The following NUGGC variants were observed in gnomAD, a reference collection of about 807,000 sequenced individuals.
The protein encoded by NUGGC is nuclear GTPase, germinal center associated.
Under a neutral mutation model 92.6 loss-of-function variants are expected in NUGGC, and 58 were observed. The ratio of observed to expected loss-of-function variants is 0.63; its 90% confidence interval spans 0.51 to 0.78. The LOEUF (loss-of-function observed/expected upper bound fraction) is 0.78. Ranked by LOEUF, NUGGC falls within the 30% of genes least tolerant of loss-of-function variation. NUGGC has a pLI of 0.00. For synonymous variants in NUGGC, 376 were observed against 366.4 expected (o/e 1.03, Z -0.30); for missense variants, 925 against 964.6 (o/e 0.96, Z 0.54).
intron 13 of NUGGC, among the ~76,000 whole-genome samples, chr8:28,039,738 T>C (rs1430359478): frequency 6.6e-6 from 1 of 152,146 alleles, no homozygotes; most frequent in Non-Finnish European, 1.5e-5. Context: ...CCACAGACCA[T>C]CCATGCACTT....
In NUGGC at chr8:28,031,363, A is replaced by T; in HGVS notation, c.1788T>A (p.Gly596=). Residue 596 remains glycine, a synonymous_variant, in exon 15 of 19, where the codon GGT becomes GGA. Transcript: ENST00000413272. The stretch of plus-strand genomic sequence containing the variant: ...CATCTATGTGAGGCATCAGAGCTGA[A>T]CCAGTGGGCTTCCCCGTCCTACGGA... ...GSIFRTGKPT[G]SALMPHIDAF... is the part of the protein sequence containing the mutation. The T allele has an allele frequency of 3.7e-6, 6 of 1,614,000 alleles. No homozygotes were observed. The highest frequency in any genetic ancestry group is 5.1e-6 in the Non-Finnish European group (6 of 1,179,852).
chr8:28,042,465 G>A (rs1397357784), intron 12 of NUGGC, among the ~76,000 whole-genome samples: 3 of 152,168 alleles, frequency 2.0e-5, no homozygotes, highest in Non-Finnish European at 4.4e-5. Flanking sequence ...TCAATCTTGT[G>A]CCCTCTGGGC....
chr8:28,039,486 C>T (rs1275501230), intron 13 of NUGGC, among the ~76,000 whole-genome samples: 1 of 152,206 alleles, frequency 6.6e-6, no homozygotes, highest in Admixed American at 6.5e-5. Context: ...TCCACCTCAG[C>T]CTCCCAAAGT....
intron 14 of NUGGC, among the ~76,000 whole-genome samples, chr8:28,033,166 T>TA (rs995417195): frequency 2.2e-4 from 34 of 151,758 alleles, no homozygotes; most frequent in African/African-American, 2.4e-4. Flanking sequence ...TCTCATTTTT[T>TA]AAAAAAAAGG....
intron 6 of NUGGC, among the ~76,000 whole-genome samples, chr8:28,066,028 C>G (rs1810433380): frequency 6.6e-6 from 1 of 151,964 alleles, no homozygotes; most frequent in African/African-American, 2.4e-5. Flanking sequence ...CCAGTGGAAA[C>G]CCTGAATTTG....
In NUGGC at chr8:28,064,530, A is replaced by T. The variant is rs1346045555; in HGVS notation, c.913T>A (p.Trp305Arg). 2 of 1,613,818 alleles carry T rather than the reference A, an allele frequency of 1.2e-6. No homozygotes were observed. Among genetic ancestry groups the T allele is most frequent in the African/African-American group, 2.7e-5 (2 of 74,938 alleles). The change falls in exon 7 of 19, where the codon TGG (tryptophan) becomes AGG (arginine). Residue 305 changes from tryptophan to arginine, a missense_variant. Transcript: ENST00000413272. The part of the protein sequence containing the change: ...GDFNSKRDEM[W>R]KKTIDKCSVI... ...CTACGAAAGACAGTCACCTTTTTCC[A>T]CATCTCGTCCCTCTTGCTGTTGAAG... is the stretch of plus-strand genomic sequence containing the variant.
intron 5 of NUGGC, 87 bp downstream of exon 5, chr8:28,068,129 A>G (rs1376834428): frequency 1.3e-6 from 1 of 747,288 alleles, no homozygotes; most frequent in East Asian, 2.7e-5. Flanking sequence ...GAAGGAAGGA[A>G]GAAAGAAAGG....
At chr8:28,077,716 T>C (rs562433181) in intron 1 of NUGGC, among the ~76,000 whole-genome samples, 12 of 152,296 alleles carry the variant, frequency 7.9e-5, no homozygotes, top group African/African-American at 2.9e-4. Context: ...AAATGTATGA[T>C]ACAACCAGTG....
chr8:28,064,270 A>G (rs1483872100), intron 7 of NUGGC, among the ~76,000 whole-genome samples: 1 of 151,930 alleles, frequency 6.6e-6, no homozygotes, highest in Non-Finnish European at 1.5e-5. Flanking sequence ...AAGCCACTCT[A>G]TTGCTGGTCT....
chr8:28,079,279 C>T (rs1441085124), intron 1 of NUGGC, among the ~76,000 whole-genome samples: 2 of 152,124 alleles, frequency 1.3e-5, no homozygotes, highest in Non-Finnish European at 2.9e-5. Context: ...CGGTGGCTCT[C>T]GCCTGTAATC....
chr8:28,064,450 G>A, intron 7 of NUGGC, 72 bp downstream of exon 7: 2 of 1,242,320 alleles, frequency 1.6e-6, no homozygotes, highest in Admixed American at 1.9e-5. Flanking sequence ...TGAAACCAGA[G>A]CATTCTTTGT....
rs9987291 is a variant in NUGGC at position 28,074,412 on chromosome 8, C to T, written c.-2G>A. 1.6e-3 allele frequency: 2,615 copies of T among 1,613,684 alleles called. 28 individuals are homozygous for T. The African/African-American group carries it at 0.024, about 15-fold the overall frequency. ...AAAAACATCCTTCGTTTCTGCCATT[C>T]CTTGTTACGTGAACTCCTGCTCTTC... On this transcript the variant is annotated 5_prime_UTR_variant, in exon 2 of 19. Transcript: ENST00000413272.
chr8:28,073,499 G>A (rs569744572), intron 2 of NUGGC, among the ~76,000 whole-genome samples: 2 of 152,262 alleles, frequency 1.3e-5, no homozygotes, highest in South Asian at 2.1e-4. Flanking sequence ...CTCGGAGTGA[G>A]GAAACATTCC....
chr8:28,075,139 T>A (rs1810688591), intron 1 of NUGGC, among the ~76,000 whole-genome samples: 1 of 152,150 alleles, frequency 6.6e-6, no homozygotes, highest in Non-Finnish European at 1.5e-5. Context: ...TCAGCAGGAA[T>A]CTGGGAGGTG....
intron 10 of NUGGC, 21 bp downstream of exon 10, chr8:28,055,944 T>C (rs911289553): frequency 9.9e-6 from 13 of 1,310,680 alleles, no homozygotes; most frequent in East Asian, 5.0e-5. Flanking sequence ...GAAAAACACA[T>C]AGAGAAACCT....
intron 10 of NUGGC, among the ~76,000 whole-genome samples, chr8:28,054,775 G>A (rs1237325917): frequency 1.3e-5 from 2 of 151,704 alleles, no homozygotes; most frequent in Non-Finnish European, 2.9e-5. Flanking sequence ...AGAGCACTGT[G>A]GTGCTTGCCG....
intron 13 of NUGGC, among the ~76,000 whole-genome samples, chr8:28,040,676 C>G (rs1283717004): frequency 6.7e-6 from 1 of 148,600 alleles, no homozygotes; most frequent in Non-Finnish European, 1.5e-5. Context: ...GAGATGGAGT[C>G]TCACTCTCTC....
At chr8:28,029,490 T>C in intron 16 of NUGGC, 88 bp from the exon 17 acceptor site, 1 of 1,470,116 alleles carries the variant, frequency 6.8e-7, no homozygotes, top group South Asian at 1.2e-5. Context: ...GGCTCACACC[T>C]GTAATCCCAG....
chr8:28,064,076 C>T (rs901286732), intron 7 of NUGGC, among the ~76,000 whole-genome samples: 1 of 152,192 alleles, frequency 6.6e-6, no homozygotes, highest in Non-Finnish European at 1.5e-5. Flanking sequence ...CCCATTCACC[C>T]AGGAAGATTC....
Sources: gnomAD v4.1 joint callset for allele counts (sites outside exome capture counted in the v4.1 genomes callset) on GRCh38, gnomAD v4.1.1 for gene constraint, MANE v1.5 for transcripts, NCBI Gene and HGNC (gene_info 2026-07-23, HGNC 2026-07-21) for gene names.